Variants in TENM3 observed in about 807,000 individuals in gnomAD.
TENM3 encodes teneurin-3.
Under a neutral mutation model 255.1 loss-of-function variants are expected in TENM3, and 63 were observed. The observed-to-expected ratio is 0.25, with a 90% CI of 0.20 to 0.30. The LOEUF (loss-of-function observed/expected upper bound fraction) is 0.30, where lower values mean the gene tolerates loss of function less well. Among genes scored for constraint, TENM3 ranks in the 10% least tolerant of loss-of-function variants. The pLI is 1.00. For missense variants in TENM3, 2,929 were observed against 3,461.1 expected (o/e 0.85, Z 3.86); for synonymous variants, 1,306 against 1,322.3 (o/e 0.99, Z 0.27).
the TENM3 span, among the ~76,000 whole-genome samples, chr4:181,528,044 G>C: frequency 1.3e-5 from 2 of 151,850 alleles, no homozygotes; most frequent in Non-Finnish European, 2.9e-5. Flanking sequence ...AAAATTCTCT[G>C]TGTAAGGCGT....
the TENM3 span, among the ~76,000 whole-genome samples, chr4:181,456,162 CAT>C: frequency 0.023 from 2,300 of 99,736 alleles, 63 homozygotes; most frequent in African/African-American, 0.086. Flanking sequence ...TGTGTGTACA[CAT>C]GTGTGTGTAT....
At chr4:182,645,234 T>G (rs1039722759) in intron 5 of TENM3, among the ~76,000 whole-genome samples, 2 of 151,972 alleles carry the variant, frequency 1.3e-5, no homozygotes, top group Non-Finnish European at 2.9e-5. Context: ...TAGTAAAGTT[T>G]GAAGTACCAC....
At chr4:181,458,279 G>A in the TENM3 span, among the ~76,000 whole-genome samples, 45 of 151,764 alleles carry the variant, frequency 3.0e-4, no homozygotes, top group African/African-American at 9.7e-4. Flanking sequence ...TCATCAGATC[G>A]GAGAAAAAAA....
intron 7 of TENM3, among the ~76,000 whole-genome samples, chr4:182,673,642 C>T (rs953536492): frequency 3.3e-5 from 5 of 152,114 alleles, no homozygotes; most frequent in Non-Finnish European, 7.3e-5. Context: ...TGCCAGATTT[C>T]CTCTTAGTAG....
At position 182,210,212 on chromosome 4, in the gene TENM3, T is replaced by G. The variant is rs1330146145; in HGVS notation, c.-76+65458T>G. ...ACACCATCAGCTCTGACCTCTCCCC[T>G]TCAGAGAGGTCTCCTTTACACTGGT... On this transcript the variant is annotated intron_variant, in intron 1 of 2. Coordinates refer to the TENM3 transcript ENST00000512480. Among the ~76,000 whole-genome samples, 4 of 152,146 alleles carry G rather than the reference T, an allele frequency of 2.6e-5. No individual in the cohort carries two copies. In the East Asian group the frequency reaches 7.7e-4, roughly 29 times the overall value.
At chr4:182,580,469 T>C (rs1745382067) in intron 3 of TENM3, among the ~76,000 whole-genome samples, 2 of 152,212 alleles carry the variant, frequency 1.3e-5, no homozygotes, top group South Asian at 2.1e-4. Context: ...CAAAAACATT[T>C]GTAGGGTTCT....
At chr4:181,899,580 T>C in the TENM3 span, among the ~76,000 whole-genome samples, 1 of 151,998 alleles carries the variant, frequency 6.6e-6, no homozygotes, top group African/African-American at 2.4e-5. Flanking sequence ...TTTTTGGGGT[T>C]TTTTTTGAGA....
chr4:182,553,467 C>T (rs1742273389), intron 3 of TENM3, among the ~76,000 whole-genome samples: 1 of 150,828 alleles, frequency 6.6e-6, no homozygotes, highest in Non-Finnish European at 1.5e-5. Flanking sequence ...CAACATGGCA[C>T]ATGTATACAT....
At chr4:182,218,869 C>A (rs549144506) in intron 1 of TENM3, among the ~76,000 whole-genome samples, 1 of 152,276 alleles carries the variant, frequency 6.6e-6, no homozygotes, top group South Asian at 2.1e-4. Context: ...AAGAAAGTGG[C>A]CACAAATTAT....
At chr4:181,911,197 C>G in the TENM3 span, among the ~76,000 whole-genome samples, 1 of 152,112 alleles carries the variant, frequency 6.6e-6, no homozygotes, top group Non-Finnish European at 1.5e-5. Context: ...AGCGCTGAAA[C>G]CTGCCTGCAT....
the TENM3 span, among the ~76,000 whole-genome samples, chr4:181,753,530 G>GAAAAA: frequency 6.9e-6 from 1 of 145,370 alleles, no homozygotes; most frequent in Non-Finnish European, 1.5e-5. Context: ...TTGCAAAAAT[G>GAAAAA]AAAAAAAAAA....
the TENM3 span, among the ~76,000 whole-genome samples, chr4:181,810,909 C>G: frequency 3.3e-5 from 5 of 151,948 alleles, no homozygotes; most frequent in Non-Finnish European, 5.9e-5. Flanking sequence ...GCTTCCCTGG[C>G]CTGGGTGACT....
intron 3 of TENM3, among the ~76,000 whole-genome samples, chr4:182,445,034 C>T (rs1772802199): frequency 6.6e-6 from 1 of 152,180 alleles, no homozygotes; most frequent in African/African-American, 2.4e-5. Flanking sequence ...GTCTCGAACT[C>T]CTGACCTCAG....
At chr4:181,686,576 T>C in the TENM3 span, among the ~76,000 whole-genome samples, 1 of 152,102 alleles carries the variant, frequency 6.6e-6, no homozygotes, top group Non-Finnish European at 1.5e-5. Flanking sequence ...AATTCACAAA[T>C]AAGTAAGACG....
the TENM3 span, among the ~76,000 whole-genome samples, chr4:181,876,394 CAG>C: frequency 6.6e-6 from 1 of 152,136 alleles, no homozygotes; most frequent in African/African-American, 2.4e-5. Context: ...TCTTTTATGA[CAG>C]AGCTTATAGA....
chr4:181,867,803 C>A, the TENM3 span, among the ~76,000 whole-genome samples: 1 of 152,080 alleles, frequency 6.6e-6, no homozygotes. Context: ...AGCAAACTGC[C>A]GCAAAATTGA....
At chr4:182,281,902 A>G (rs977701421) in intron 1 of TENM3, among the ~76,000 whole-genome samples, 1 of 151,990 alleles carries the variant, frequency 6.6e-6, no homozygotes, top group Non-Finnish European at 1.5e-5. Context: ...TACCCGGCTA[A>G]TTTTGGTATT....
At chr4:182,787,863 G>A (rs1053550416) in intron 24 of TENM3, among the ~76,000 whole-genome samples, 1 of 151,584 alleles carries the variant, frequency 6.6e-6, no homozygotes, top group Non-Finnish European at 1.5e-5. Context: ...TTATCGAGCT[G>A]CCATTCCACG....
At chr4:181,534,233 C>T in the TENM3 span, among the ~76,000 whole-genome samples, 1 of 119,432 alleles carries the variant, frequency 8.4e-6, no homozygotes, top group East Asian at 2.3e-4. Flanking sequence ...GAGACTCCAC[C>T]TCAAAAAAAA....
Sources: gnomAD v4.1 joint callset for allele counts (sites outside exome capture counted in the v4.1 genomes callset) on GRCh38, gnomAD v4.1.1 for gene constraint, MANE v1.5 for transcripts, NCBI Gene and HGNC (gene_info 2026-07-23, HGNC 2026-07-21) for gene names.